The following LIX1 variants were observed in gnomAD, a reference collection of about 807,000 sequenced individuals.
The protein encoded by LIX1 is protein limb expression 1 homolog.
Under a neutral mutation model 33.4 loss-of-function variants are expected in LIX1, and 24 were observed. The observed-to-expected ratio is 0.72, with a 90% CI of 0.52 to 1.01. LIX1 has a LOEUF of 1.01. Ranked by LOEUF, LIX1 falls within the 50% of genes least tolerant of loss-of-function variation. The pLI is 0.00. For synonymous variants in LIX1, 124 were observed against 124.0 expected (o/e 1.00, Z 0.00); for missense variants, 311 against 339.2 (o/e 0.92, Z 0.65).
intron 4 of LIX1, chr5:97,102,943 T>TA (rs1746792959): frequency 1.8e-5 from 7 of 392,466 alleles, no homozygotes; most frequent in Non-Finnish European, 4.9e-6. Flanking sequence ...GGGGAAGCAT[T>TA]ATGCCAGATG....
intron 1 of LIX1, among the ~76,000 whole-genome samples, chr5:97,140,405 G>A (rs535390387): frequency 6.6e-6 from 1 of 152,304 alleles, no homozygotes; most frequent in East Asian, 1.9e-4. Context: ...AGAGCTTGGA[G>A]CAGGTTAGAG....
chr5:97,105,817 G>A (rs1259641621), intron 3 of LIX1, among the ~76,000 whole-genome samples: 1 of 152,160 alleles, frequency 6.6e-6, no homozygotes, highest in Non-Finnish European at 1.5e-5. Flanking sequence ...TCTAGGAAAC[G>A]AGGTGGGTGG....
intron 1 of LIX1, among the ~76,000 whole-genome samples, 180 bp from the exon 2 acceptor site, chr5:97,124,809 AT>A (rs1250114482): frequency 6.6e-6 from 1 of 152,212 alleles, no homozygotes; most frequent in Non-Finnish European, 1.5e-5. Flanking sequence ...ATTTAAATAT[AT>A]TTAAAGTATG....
At chr5:97,114,335 C>T (rs1747570056) in intron 2 of LIX1, among the ~76,000 whole-genome samples, 1 of 152,084 alleles carries the variant, frequency 6.6e-6, no homozygotes, top group African/African-American at 2.4e-5. Flanking sequence ...CTGGTCTGTA[C>T]TAAAATTCAA....
chr5:97,142,552 T>G lies in LIX1; in HGVS notation c.25A>C (p.Arg9=). MDRTLESL[R]HIIAQVLPHR... ...GGCAAGACTTGGGCAATGATGTGTC[T>G]CAGAGATTCCAAGGTTCTGTCCATC... The change falls in exon 1 of 6, where the codon AGA becomes CGA. Residue 9 remains arginine, a synonymous_variant. Transcript: ENST00000274382. 1 of 1,614,092 alleles carries G rather than the reference T, an allele frequency of 6.2e-7. No individual in the cohort carries two copies.
chr5:97,103,138 A>G, intron 4 of LIX1: 1 of 437,742 alleles, frequency 2.3e-6, no homozygotes, highest in Non-Finnish European at 4.5e-6. Context: ...TCTTGAAAAA[A>G]TACCTCTTTT....
intron 1 of LIX1, among the ~76,000 whole-genome samples, chr5:97,138,616 T>C (rs554646281): frequency 4.6e-5 from 7 of 152,294 alleles, no homozygotes; most frequent in African/African-American, 1.7e-4. Flanking sequence ...CAGCACATGG[T>C]TCTTGTATTG....
intron 3 of LIX1, 74 bp from the exon 4 acceptor site, chr5:97,105,359 T>C: frequency 7.9e-7 from 1 of 1,262,828 alleles, no homozygotes; most frequent in Non-Finnish European, 1.1e-6. Context: ...AAATTAATTC[T>C]GTGACCACAC....
chr5:97,100,145 C>T (rs1226170590), intron 4 of LIX1, among the ~76,000 whole-genome samples: 4 of 152,170 alleles, frequency 2.6e-5, no homozygotes, highest in African/African-American at 9.7e-5. Flanking sequence ...ACTATCATTC[C>T]ACCCTGAAAA....
Position 97,094,731 on chromosome 5 carries a change from C to T in LIX1, c.*17G>A, listed in dbSNP as rs779664833. On this transcript the variant is annotated 3_prime_UTR_variant, in exon 6 of 6. Transcript: ENST00000274382. ...CTGGCCTCTGCCATCACTGAGGGTA[C>T]CCGGGGCTTGGCCTTGCTAGTGATA... The T allele has an allele frequency of 6.2e-7, 1 of 1,609,798 alleles. No homozygotes were observed. Among genetic ancestry groups the T allele is most frequent in the East Asian group, 2.2e-5 (1 of 44,836 alleles).
Position 97,105,158 on chromosome 5 carries a change from A to T in LIX1, c.483+32T>A, listed in dbSNP as rs142229243. On this transcript the variant is annotated intron_variant, in intron 4 of 5. Transcript: ENST00000274382. Reference sequence around the variant, plus strand: ...TTCTCTTAGGCTTCTGGATTGGATAATCAAACAAATATGTGGCAGGCAGGC... The same window carrying T: ...TTCTCTTAGGCTTCTGGATTGGATATTCAAACAAATATGTGGCAGGCAGGC... The T allele has an allele frequency of 2.3e-4, 362 of 1,571,698 alleles. 1 individual carries two copies. In the African/African-American group the frequency reaches 4.3e-3, roughly 19 times the overall value.
At chr5:97,103,826 A>G (rs542313462) in intron 4 of LIX1, among the ~76,000 whole-genome samples, 18 of 152,150 alleles carry the variant, frequency 1.2e-4, no homozygotes, top group East Asian at 5.8e-4. Flanking sequence ...TTAGCCGGGC[A>G]TGGTGGTGGG....
At chr5:97,123,701 C>A (rs78189772) in intron 2 of LIX1, among the ~76,000 whole-genome samples, 2,758 of 152,272 alleles carry the variant, frequency 0.018, 55 homozygotes, top group Non-Finnish European at 0.027. Context: ...TACTGCTTTG[C>A]AAAGTATGAA....
chr5:97,108,206 C>T (rs1485260068), intron 2 of LIX1, among the ~76,000 whole-genome samples: 1 of 152,166 alleles, frequency 6.6e-6, no homozygotes, highest in Admixed American at 6.5e-5. Flanking sequence ...ACATTTGTCC[C>T]CCACCTTCCT....
chr5:97,115,646 G>GA (rs1169854221), intron 2 of LIX1, among the ~76,000 whole-genome samples: 4 of 151,730 alleles, frequency 2.6e-5, no homozygotes, highest in Admixed American at 6.6e-5. Flanking sequence ...GACATCAGGA[G>GA]AAAAATGGTC....
At chr5:97,120,558 G>C (rs978388973) in intron 2 of LIX1, among the ~76,000 whole-genome samples, 21 of 152,188 alleles carry the variant, frequency 1.4e-4, no homozygotes, top group Non-Finnish European at 2.9e-4. Context: ...TTTTTGTGGA[G>C]TCCTGGAAGA....
intron 2 of LIX1, 30 bp from the exon 3 acceptor site, chr5:97,107,530 T>C (rs776448351): frequency 1.2e-6 from 2 of 1,612,742 alleles, no homozygotes; most frequent in South Asian, 1.1e-5. Context: ...AAGGAGTCAT[T>C]TGAGAATTTA....
intron 2 of LIX1, among the ~76,000 whole-genome samples, chr5:97,118,110 G>C (rs956244870): frequency 3.9e-5 from 6 of 152,170 alleles, no homozygotes; most frequent in African/African-American, 1.4e-4. Context: ...GCCCCGATGA[G>C]TGAGTGTCTC....
At chr5:97,135,996 A>G (rs1748165845) in intron 1 of LIX1, among the ~76,000 whole-genome samples, 1 of 152,202 alleles carries the variant, frequency 6.6e-6, no homozygotes, top group Non-Finnish European at 1.5e-5. Context: ...TTCCCTGGAA[A>G]CAGTCATTAT....
Sources: gnomAD v4.1 joint callset for allele counts (sites outside exome capture counted in the v4.1 genomes callset) on GRCh38, gnomAD v4.1.1 for gene constraint, MANE v1.5 for transcripts, NCBI Gene and HGNC (gene_info 2026-07-23, HGNC 2026-07-21) for gene names.